The following PSMB7 variants were observed in gnomAD, a reference collection of about 807,000 sequenced individuals.
The protein encoded by PSMB7 is proteasome 20S subunit beta 7, also known as proteasome subunit beta type-7.
In PSMB7, 5 loss-of-function variants were observed where a neutral mutation model predicts 28.1. That is an observed-to-expected ratio of 0.18 (90% CI 0.09 to 0.37). PSMB7 has a LOEUF of 0.37. PSMB7 is among the 10% of genes least tolerant of loss of function. PSMB7 has a pLI of 1.00. For synonymous variants in PSMB7, 122 were observed against 123.7 expected, an observed-to-expected ratio of 0.99 and a Z score of 0.09; for missense variants, 275 against 346.2, an observed-to-expected ratio of 0.79 and a Z score of 1.63.
At chr9:124,400,110 C>T (rs1830884844) in intron 5 of PSMB7, among the ~76,000 whole-genome samples, 1 of 152,174 alleles carries the variant, frequency 6.6e-6, no homozygotes, top group Non-Finnish European at 1.5e-5. Flanking sequence ...TGCCCCACCC[C>T]CACTCACTGC....
chr9:124,383,771 T>C (rs934557308), intron 6 of PSMB7: 2 of 152,198 alleles, frequency 1.3e-5, no homozygotes, highest in African/African-American at 2.4e-5. Context: ...TACCTATTAA[T>C]TGTTGAAAAG....
chr9:124,402,943 C>T (rs1830927036), intron 5 of PSMB7, among the ~76,000 whole-genome samples: 1 of 152,304 alleles, frequency 6.6e-6, no homozygotes, highest in Non-Finnish European at 1.5e-5. Flanking sequence ...CAGTGAACAT[C>T]TGTTATATAA....
At chr9:124,371,336 C>T (rs1438346944) in intron 6 of PSMB7, among the ~76,000 whole-genome samples, 4 of 152,184 alleles carry the variant, frequency 2.6e-5, no homozygotes, top group African/African-American at 7.2e-5. Flanking sequence ...AACCCATATA[C>T]AAGAAAGTGG....
At chr9:124,389,870 C>G (rs2131166299) in intron 5 of PSMB7, among the ~76,000 whole-genome samples, 1 of 152,288 alleles carries the variant, frequency 6.6e-6, no homozygotes, top group East Asian at 1.9e-4. Context: ...AGGACCACAC[C>G]TCCAGCCAGT....
chr9:124,356,737 AG>A lies in PSMB7; in HGVS notation c.722+26del, dbSNP rs1463517918. 36 of 1,598,992 alleles carry A rather than the reference AG, an allele frequency of 2.3e-5. No individual in the cohort carries two copies. The highest frequency in any genetic ancestry group is 3.0e-5 in the Non-Finnish European group (35 of 1,169,112). On this transcript the variant is annotated intron_variant, in intron 7 of 7. Transcript: ENST00000259457. The surrounding 1 kb of genome is among the most constrained non-coding windows in gnomAD (Gnocchi z 4.4). The stretch of plus-strand genomic sequence containing the variant: ...GGGTGGCCACGACGCCAGGGGACCC[AG>A]GAAGAACTTCGTCTCCTTCACTCAC...
Position 124,393,204 on chromosome 9 carries a change from T to G in PSMB7, c.512-8548A>C, listed in dbSNP as rs566852020. ...ACCATATCCAGCCACTAGAGAGCAGTGGAGCACCTCTCACTGCTCGGTAAA... is the reference window on the plus strand; with the variant it reads ...ACCATATCCAGCCACTAGAGAGCAGGGGAGCACCTCTCACTGCTCGGTAAA... On this transcript the variant is annotated intron_variant, in intron 5 of 7. Transcript: ENST00000259457. 4.3e-3 allele frequency among the ~76,000 whole-genome samples: 649 copies of G among 152,334 alleles called. 7 individuals are homozygous for G. The highest frequency in any genetic ancestry group is 0.015 in the African/African-American group (619 of 41,582).
intron 5 of PSMB7, 60 bp from the exon 6 acceptor site, chr9:124,384,716 G>A (rs1564680801): frequency 6.5e-7 from 1 of 1,535,620 alleles, no homozygotes; most frequent in Non-Finnish European, 9.0e-7. Context: ...TCCATCTCAA[G>A]TTTACCTAGG....
At chr9:124,379,657 C>T (rs1050390011) in intron 6 of PSMB7, among the ~76,000 whole-genome samples, 4 of 152,234 alleles carry the variant, frequency 2.6e-5, no homozygotes, top group African/African-American at 9.6e-5. Flanking sequence ...GGGTTTCACT[C>T]TTCTGCTTTT....
At chr9:124,395,483 C>T (rs1023634995) in intron 5 of PSMB7, among the ~76,000 whole-genome samples, 2 of 152,088 alleles carry the variant, frequency 1.3e-5, no homozygotes, top group African/African-American at 2.4e-5. Context: ...CAGAGCAAGA[C>T]CCCGCCCCTA....
chr9:124,405,086 C>A (rs1279511022), intron 5 of PSMB7, among the ~76,000 whole-genome samples: 2 of 152,056 alleles, frequency 1.3e-5, no homozygotes, highest in Non-Finnish European at 2.9e-5. Flanking sequence ...TTTACCCTCA[C>A]TAAAATACAA....
chr9:124,401,609 C>G (rs1830908042), intron 5 of PSMB7, among the ~76,000 whole-genome samples: 1 of 152,212 alleles, frequency 6.6e-6, no homozygotes, highest in African/African-American at 2.4e-5. Flanking sequence ...CCCTCCTGCC[C>G]TCGTCAGTAG....
intron 4 of PSMB7, among the ~76,000 whole-genome samples, chr9:124,406,354 T>C (rs1279894878): frequency 5.9e-5 from 9 of 151,470 alleles, no homozygotes; most frequent in African/African-American, 1.9e-4. Context: ...TACAAAAAAT[T>C]AGCAAGGCAT....
intron 6 of PSMB7, among the ~76,000 whole-genome samples, chr9:124,365,493 A>C (rs1317382651): frequency 1.3e-5 from 2 of 152,262 alleles, no homozygotes; most frequent in African/African-American, 4.8e-5. Context: ...CAGGCTATAC[A>C]GACAGCCCAC....
At chr9:124,394,407 A>G (rs1830821721) in intron 5 of PSMB7, among the ~76,000 whole-genome samples, 1 of 152,246 alleles carries the variant, frequency 6.6e-6, no homozygotes, top group Admixed American at 6.5e-5. Context: ...AAACAAGAGC[A>G]GATAAAGATG....
intron 5 of PSMB7, among the ~76,000 whole-genome samples, chr9:124,395,542 C>T (rs986913907): frequency 3.9e-5 from 6 of 152,010 alleles, no homozygotes; most frequent in Non-Finnish European, 5.9e-5. Context: ...AAGATCTGAA[C>T]CCTATTTGAC....
chr9:124,401,864 CAAAA>C (rs1830911738), intron 5 of PSMB7, among the ~76,000 whole-genome samples: 1 of 151,950 alleles, frequency 6.6e-6, no homozygotes, highest in South Asian at 2.1e-4. Context: ...ACTAAAAATA[CAAAA>C]ATTAGCTGAG....
intron 4 of PSMB7, among the ~76,000 whole-genome samples, chr9:124,408,380 A>G (rs1167592089): frequency 1.3e-5 from 2 of 152,188 alleles, no homozygotes; most frequent in Admixed American, 1.3e-4. Flanking sequence ...CTATGTTCCA[A>G]AGGTTCGTAG....
chr9:124,384,236 T>C (rs1173870337), intron 6 of PSMB7: 1 of 208,890 alleles, frequency 4.8e-6, no homozygotes, highest in African/African-American at 2.3e-5. Flanking sequence ...ATACACAGTT[T>C]TTCTGTTCTT....
At chr9:124,379,044 A>C (rs963876123) in intron 6 of PSMB7, among the ~76,000 whole-genome samples, 1 of 152,212 alleles carries the variant, frequency 6.6e-6, no homozygotes, top group South Asian at 2.1e-4. Flanking sequence ...TCACCAAAAA[A>C]ACCTCTCATA....
Sources: allele counts gnomAD v4.1 joint callset (sites outside exome capture counted in the v4.1 genomes callset), GRCh38; gene constraint gnomAD v4.1.1; non-coding constraint Gnocchi (gnomAD v3.1); transcripts MANE v1.5; gene names NCBI Gene and HGNC (gene_info 2026-07-23, HGNC 2026-07-21).